The following TSC2 variants were observed in gnomAD, a reference collection of about 807,000 sequenced individuals.
TSC2 encodes TSC complex subunit 2, also known as tuberin.
TSC2 carries 29 observed loss-of-function variants against 202.2 expected under a neutral mutation model. The ratio of observed to expected loss-of-function variants is 0.14; its 90% CI spans 0.11 to 0.20. The LOEUF (loss-of-function observed/expected upper bound fraction) is 0.20. TSC2 is among the 10% of genes least tolerant of loss of function. TSC2 has a pLI of 1.00. For missense variants in TSC2, 2,429 were observed against 2,420.0 expected, an observed-to-expected ratio of 1.00 and a Z score of -0.08; for synonymous variants, 1,349 against 1,044.0, an observed-to-expected ratio of 1.29 and a Z score of -5.63.
intron 4 of TSC2, chr16:2,053,867 G>A: frequency 4.2e-6 from 2 of 477,800 alleles, no homozygotes; most frequent in South Asian, 3.2e-5. Context: ...TGGTGTTCCT[G>A]CCTCCCCTGG....
Position 2,056,559 on chromosome 16 carries a change from A to G in TSC2, c.649-85A>G, listed in dbSNP as rs918628156. On this transcript the variant is annotated intron_variant, in intron 7 of 41. Transcript: ENST00000219476. ...GGGGAGAGGTGGCAGCGCAGGCTGAAGGAGGTGGGAAGGAAGCCTGGGTGT... is the reference window on the plus strand; with the variant it reads ...GGGGAGAGGTGGCAGCGCAGGCTGAGGGAGGTGGGAAGGAAGCCTGGGTGT... The G allele has an allele frequency of 1.1e-5, 18 of 1,567,902 alleles. No individual in the cohort carries two copies. The Admixed American group carries it at 2.8e-4, about 24-fold the overall frequency.
In TSC2 at chr16:2,087,904, C is replaced by G. The variant is rs878854113; in HGVS notation, c.5031C>G (p.Asp1677Glu). 1.2e-6 allele frequency: 2 copies of G among 1,611,678 alleles called. No individual in the cohort carries two copies. Among genetic ancestry groups the G allele is most frequent in the South Asian group, 2.2e-5 (2 of 91,026 alleles). Residue 1677 changes from aspartate (D) to glutamate (E), a missense_variant, in exon 39 of 42, where the codon GAC (aspartate) becomes GAG (glutamate). Transcript: ENST00000219476. ...TCCACGTGATCGTCACCCCGCTGGA[C>G]TACGAGTGCAACCTGGTGTCCCTGC... is the stretch of plus-strand genomic sequence containing the variant. Reference protein sequence around the residue: ...NFVHVIVTPLDYECNLVSLQC... With the variant: ...NFVHVIVTPLEYECNLVSLQC...
intron 16 of TSC2, among the ~76,000 whole-genome samples, chr16:2,067,423 A>T (rs1006023675): frequency 6.6e-6 from 1 of 151,240 alleles, no homozygotes; most frequent in Non-Finnish European, 1.5e-5. Context: ...TAGCCTCCCA[A>T]AGTGCTGGGA....
At chr16:2,071,058 G>C (rs2088275216) in intron 17 of TSC2, among the ~76,000 whole-genome samples, 1 of 152,198 alleles carries the variant, frequency 6.6e-6, no homozygotes. Flanking sequence ...GTTGGCACCA[G>C]GCTGAGCAGA....
chr16:2,071,650 C>T (rs1567462991), intron 18 of TSC2, 34 bp downstream of exon 18: 28 of 1,611,706 alleles, frequency 1.7e-5, no homozygotes, highest in South Asian at 5.5e-5. Context: ...CCATGAGGCT[C>T]AGGGCGTCAG....
At chr16:2,087,991 G>C (rs2091070907) in intron 39 of TSC2, 50 bp downstream of exon 39, 1 of 1,612,854 alleles carries the variant, frequency 6.2e-7, no homozygotes, top group Non-Finnish European at 8.5e-7. Context: ...GCCGGGTGGG[G>C]CCCTGCAGTG....
rs1234558526 is a variant in TSC2, at chr16:2,079,437, A to G, written c.3284+9A>G. The G allele has an allele frequency of 6.2e-7, 1 of 1,612,622 alleles. No individual in the cohort carries two copies. Among genetic ancestry groups the G allele is most frequent in the East Asian group, 2.2e-5 (1 of 44,860 alleles). On this transcript the variant is annotated intron_variant, in intron 28 of 41. Coordinates refer to ENST00000219476, the MANE Select transcript of TSC2 (RefSeq NM_000548.5). This position sits in a 1 kb window ranked among gnomAD's most constrained non-coding sequence, Gnocchi z 4.6. ...TCCGGCCCGGAGTCGAGGTGACTGC[A>G]CCTTCCTTTCCTCCGCGCCTGCCAG... is the stretch of plus-strand genomic sequence containing the variant.
chr16:2,063,996 C>A, intron 14 of TSC2: 2 of 531,808 alleles, frequency 3.8e-6, no homozygotes, highest in South Asian at 3.9e-5. Context: ...AGGGCCTCAC[C>A]TCGGCTGCTC....
chr16:2,082,196 C>T (rs954779250), intron 31 of TSC2: 2 of 606,114 alleles, frequency 3.3e-6, no homozygotes, highest in Middle Eastern at 8.8e-4. Context: ...CCCTCTGGCT[C>T]TTCCCTGTGG....
At position 2,072,500 on chromosome 16, in the gene TSC2, C is replaced by T. The variant is rs145614258; in HGVS notation, c.2220+137C>T. ...CCTCAAACTCAGCTGCACTCTGGAG[C>T]GCAGATTGTGCCTTGGGCAGGGTGG... On this transcript the variant is annotated intron_variant, in intron 20 of 41. Coordinates refer to ENST00000219476, the MANE Select transcript of TSC2 (RefSeq NM_000548.5). 61 of 1,391,204 alleles carry T rather than the reference C, an allele frequency of 4.4e-5. No homozygotes were observed. In the East Asian group the frequency reaches 4.6e-4, roughly 10 times the overall value. The allele number at this position is 1,391,204 out of a possible 1,614,324, so 86.2% of individuals were successfully genotyped here.
chr16:2,073,082 C>T (rs1258111016), intron 21 of TSC2, 99 bp downstream of exon 21: 2 of 1,568,548 alleles, frequency 1.3e-6, no homozygotes, highest in Non-Finnish European at 1.7e-6. Context: ...GAGTTTCTGC[C>T]AGGCCAGGGA....
At chr16:2,074,791 C>G (rs2089034689) in intron 22 of TSC2, 1 of 315,750 alleles carries the variant, frequency 3.2e-6, no homozygotes, top group East Asian at 7.3e-5. Flanking sequence ...GGCAGGCCCT[C>G]AATGTTGAGA....
intron 5 of TSC2, 44 bp from the exon 6 acceptor site, chr16:2,055,358 T>C: frequency 8.7e-6 from 13 of 1,495,340 alleles, no homozygotes; most frequent in Non-Finnish European, 1.2e-5. Context: ...GAGTGGGAGA[T>C]GTAGATTCGG....
chr16:2,076,482 C>T lies in TSC2; in HGVS notation c.2743-9C>T, dbSNP rs397515319. 25 of 1,613,180 alleles carry T rather than the reference C, an allele frequency of 1.5e-5. No individual in the cohort carries two copies. In the African/African-American group the frequency reaches 3.1e-4, roughly 20 times the overall value. ...ACCCCTCACTGTCTGGGTGTGCTCA[C>T]TCTGCCAGGGCCTGCGGTCCAATGT... On this transcript the variant is annotated splice_polypyrimidine_tract_variant and intron_variant, in intron 24 of 41. Transcript: ENST00000219476.
chr16:2,072,904 G>C lies in TSC2; in HGVS notation c.2276G>C (p.Arg759Thr). ...RLRGAPEGFS[R>T]TDLHLAVVPV... ...CGAGGCGCCCCAGAAGGCTTCTCCA[G>C]AACTGACTTGCACCTGGCCGTGGTT... Residue 759 changes from arginine to threonine, a missense_variant, in exon 21 of 42, where the codon AGA becomes ACA. Arg to Thr is a moderately conservative substitution (Grantham distance 71, BLOSUM62 -1). Transcript: ENST00000219476. 2 of 1,613,666 alleles carry C rather than the reference G, an allele frequency of 1.2e-6. No individual in the cohort carries two copies. The highest frequency in any genetic ancestry group is 1.7e-6 in the Non-Finnish European group (2 of 1,180,036).
intron 6 of TSC2, chr16:2,055,738 A>G (rs2085721968): frequency 1.9e-6 from 1 of 512,890 alleles, no homozygotes; most frequent in South Asian, 2.0e-5. Context: ...TAAAAATACA[A>G]AAATTAGCCG....
Position 2,048,050 on chromosome 16 carries a change from G to A in TSC2, c.-45G>A, listed in dbSNP as rs947662369. 9.8e-6 allele frequency: 14 copies of A among 1,424,744 alleles called. No homozygotes were observed. The highest frequency in any genetic ancestry group is 9.1e-5 in the South Asian group (6 of 66,068). The allele number at this position is 1,424,744 out of a possible 1,614,324, so 88.3% of individuals were successfully genotyped here. A position where few individuals can be genotyped will look rare whatever the true frequency, so the allele number is the denominator to read the frequency against. ...TCCGCGTCGGGGCGGCCCGGAGCGC[G>A]GTGGCGCGGCGCGGGGTAAGTGGCG... On this transcript the variant is annotated 5_prime_UTR_variant, in exon 1 of 42. Coordinates refer to ENST00000219476, the MANE Select transcript of TSC2 (RefSeq NM_000548.5).
chr16:2,071,973 G>A (rs2151310359), intron 19 of TSC2, 39 bp downstream of exon 19: 1 of 1,542,234 alleles, frequency 6.5e-7, no homozygotes, highest in Non-Finnish European at 8.7e-7. Flanking sequence ...TCCCACGTTG[G>A]GCCAGGAGGA....
chr16:2,070,366 C>CGCCCCG lies in TSC2; in HGVS notation c.1717-84_1717-79dup, dbSNP rs2088092021. Reference sequence around the variant, plus strand: ...TTTGAAGCACGCACTCTAGAGCAGCCGCCCCGGCCCCTGCTCCGGGACAAG... The same window carrying CGCCCCG: ...TTTGAAGCACGCACTCTAGAGCAGCCGCCCCGGCCCCGGCCCCTGCTCCGGGACAAG... On this transcript the variant is annotated intron_variant, in intron 16 of 41. Coordinates refer to ENST00000219476, the MANE Select transcript of TSC2 (RefSeq NM_000548.5). 16 of 1,605,864 alleles carry CGCCCCG rather than the reference C, an allele frequency of 1.0e-5. 1 individual carries two copies. The South Asian group carries it at 1.8e-4, about 18-fold the overall frequency.
Sources: gnomAD v4.1 joint callset for allele counts (sites outside exome capture counted in the v4.1 genomes callset) on GRCh38, gnomAD v4.1.1 for gene constraint, Gnocchi (gnomAD v3.1) non-coding constraint, MANE v1.5 for transcripts, NCBI Gene and HGNC (gene_info 2026-07-23, HGNC 2026-07-21) for gene names.